TAFA5: variants seen among roughly 807,000 people sequenced by gnomAD.
TAFA5 encodes the protein chemokine-like protein TAFA-5.
In TAFA5, 6 loss-of-function variants were observed where a neutral mutation model predicts 15.3. The ratio of observed to expected loss-of-function variants is 0.39; its 90% CI spans 0.21 to 0.77. The LOEUF is 0.77. Ranked by LOEUF, TAFA5 falls within the 30% of genes least tolerant of loss-of-function variation. The pLI, the probability that TAFA5 is intolerant of heterozygous loss-of-function variation, is 0.41. For missense variants in TAFA5, 161 were observed against 193.1 expected (o/e 0.83, Z 0.98); for synonymous variants, 103 against 80.7 (o/e 1.28, Z -1.48).
At chr22:48,707,588 C>T in intron 2 of TAFA5, 129 bp from the exon 3 acceptor site, 1 of 1,137,848 alleles carries the variant, frequency 8.8e-7, no homozygotes, top group Non-Finnish European at 1.2e-6. Context: ...TGTGAGGGTC[C>T]CTGGGTGGAG....
At chr22:48,734,772 T>G (rs1929961212) in intron 3 of TAFA5, among the ~76,000 whole-genome samples, 1 of 152,186 alleles carries the variant, frequency 6.6e-6, no homozygotes, top group Non-Finnish European at 1.5e-5. Flanking sequence ...GATACGGATG[T>G]CGTGAGCATC....
intron 3 of TAFA5, among the ~76,000 whole-genome samples, chr22:48,721,829 C>T (rs776264342): frequency 2.6e-5 from 4 of 152,096 alleles, no homozygotes; most frequent in African/African-American, 9.7e-5. Flanking sequence ...ATGTGCCAAG[C>T]GTGGTGGCAC....
chr22:48,540,596 C>CTT (rs35003128), intron 1 of TAFA5, among the ~76,000 whole-genome samples: 76,287 of 144,094 alleles, frequency 0.53, 22,392 homozygotes, highest in Middle Eastern at 0.72. Context: ...AGGAGTTTGC[C>CTT]TTTTTTTTTT....
chr22:48,594,712 G>A (rs894407803), intron 1 of TAFA5, among the ~76,000 whole-genome samples: 1 of 152,178 alleles, frequency 6.6e-6, no homozygotes, highest in Admixed American at 6.5e-5. Flanking sequence ...AGTGGTCCCC[G>A]CATTTCTGTT....
rs759551273 is a variant in TAFA5, at chr22:48,742,067, G to A, written c.391-7772G>A. Among the ~76,000 whole-genome samples, 3 of 152,194 alleles carry A rather than the reference G, an allele frequency of 2.0e-5. No homozygotes were observed. Among genetic ancestry groups the A allele is most frequent in the African/African-American group, 7.2e-5 (3 of 41,452 alleles). ...AGACGGGGAAACTGGGGCTCCCAGA[G>A]GCTCCAGCTGGGAGGCTGTGGGAGG... On this transcript the variant is annotated intron_variant, in intron 3 of 3. Transcript: ENST00000402357. This position sits in a 1 kb window ranked among gnomAD's most constrained non-coding sequence, Gnocchi z 6.2.
At chr22:48,510,528 A>G (rs184274522) in intron 1 of TAFA5, among the ~76,000 whole-genome samples, 440 of 152,368 alleles carry the variant, frequency 2.9e-3, no homozygotes, top group Non-Finnish European at 4.1e-3. Context: ...GCAAACCTTC[A>G]TTCTGTAATA....
chr22:48,524,367 T>C (rs1921709162), intron 1 of TAFA5, among the ~76,000 whole-genome samples: 1 of 152,204 alleles, frequency 6.6e-6, no homozygotes, highest in Non-Finnish European at 1.5e-5. Flanking sequence ...ACCTCAGGGA[T>C]GGAGACGCCC....
intron 3 of TAFA5, among the ~76,000 whole-genome samples, chr22:48,715,273 G>T (rs1929368567): frequency 6.6e-6 from 1 of 152,200 alleles, no homozygotes; most frequent in Non-Finnish European, 1.5e-5. Flanking sequence ...GAAACATGGT[G>T]GAAAGCAAAG....
intron 3 of TAFA5, among the ~76,000 whole-genome samples, chr22:48,747,765 C>T (rs1395734014): frequency 6.6e-6 from 1 of 151,930 alleles, no homozygotes; most frequent in East Asian, 1.9e-4. Context: ...GGCATGGAGG[C>T]GCATGCCTGT....
chr22:48,749,207 C>G (rs960087857), intron 3 of TAFA5, among the ~76,000 whole-genome samples: 2 of 152,208 alleles, frequency 1.3e-5, no homozygotes, highest in Admixed American at 1.3e-4. Flanking sequence ...GACCCTCCCT[C>G]AGATCCTCCA....
rs1201810597 is a variant in TAFA5 at position 48,552,424 on chromosome 22, ACT to A, written c.112+62723_112+62724del. Among the ~76,000 whole-genome samples the A allele has an allele frequency of 1.3e-5, 2 of 151,364 alleles. No individual in the cohort carries two copies. Among genetic ancestry groups the A allele is most frequent in the African/African-American group, 2.4e-5 (1 of 41,124 alleles). On this transcript the variant is annotated intron_variant, in intron 1 of 3. Coordinates refer to ENST00000402357, the MANE Select transcript of TAFA5 (RefSeq NM_001082967.3). This position sits in a 1 kb window ranked among gnomAD's most constrained non-coding sequence, Gnocchi z 4.1. ...CCTCTGCTGATGTAGCTGCTGGCTG[ACT>A]CTGTCAGCGCTGCCTGCTGTGGGAA...
In TAFA5 at chr22:48,707,751, G is replaced by C; in HGVS notation, c.297G>C (p.Met99Ile). 1 of 1,613,940 alleles carries C rather than the reference G, an allele frequency of 6.2e-7. No homozygotes were observed. Among genetic ancestry groups the C allele is most frequent in the Non-Finnish European group, 8.5e-7 (1 of 1,179,878 alleles). ...TCAAGACCAAGCAGTGGTGTGACATGCTTCCGTGTCTGGAGGGGGAAGGCT... is the reference window on the plus strand; with the variant it reads ...TCAAGACCAAGCAGTGGTGTGACATCCTTCCGTGTCTGGAGGGGGAAGGCT... ...RIIKTKQWCD[M>I]LPCLEGEGCD... Residue 99 changes from methionine (M) to isoleucine (I), a missense_variant, in exon 3 of 4, where the codon ATG becomes ATC. Met to Ile is a conservative substitution (Grantham distance 10). Transcript: ENST00000402357.
intron 1 of TAFA5, among the ~76,000 whole-genome samples, chr22:48,606,820 C>G (rs1385855822): frequency 6.6e-6 from 1 of 152,178 alleles, no homozygotes; most frequent in Non-Finnish European, 1.5e-5. Context: ...CTAGGGCGCT[C>G]TGATGATTTA....
At chr22:48,707,184 G>C (rs1195305864) in intron 2 of TAFA5, among the ~76,000 whole-genome samples, 1 of 152,108 alleles carries the variant, frequency 6.6e-6, no homozygotes, top group Non-Finnish European at 1.5e-5. Flanking sequence ...GGAGTAGGAT[G>C]GGGGCCAGGG....
At chr22:48,664,681 C>T (rs1601654490) in intron 2 of TAFA5, among the ~76,000 whole-genome samples, 1 of 152,268 alleles carries the variant, frequency 6.6e-6, no homozygotes, top group East Asian at 1.9e-4. Flanking sequence ...TCAGAACCTC[C>T]CATCAACGGA....
chr22:48,571,574 G>GTTTTTTTTTTTTTTTTTTTTTT (rs57578802), intron 1 of TAFA5, among the ~76,000 whole-genome samples: 2 of 29,236 alleles, frequency 6.8e-5, no homozygotes, highest in Non-Finnish European at 1.3e-4. Context: ...TGCCTGGCCT[G>GTTTTTTTTTTTTTTTTTTTTTT]TTTTTTTTTT....
chr22:48,731,672 G>A (rs1439713141), intron 3 of TAFA5, among the ~76,000 whole-genome samples: 2 of 152,124 alleles, frequency 1.3e-5, no homozygotes, highest in African/African-American at 4.8e-5. Context: ...ATGGTTGACT[G>A]AATCCTTTAA....
intron 2 of TAFA5, among the ~76,000 whole-genome samples, chr22:48,681,511 C>T (rs1389084379): frequency 7.1e-6 from 1 of 141,748 alleles, no homozygotes; most frequent in Non-Finnish European, 1.5e-5. Context: ...AAAAATTAGG[C>T]GTGGGGGTAG....
At position 48,676,015 on chromosome 22, in the gene TAFA5, G is replaced by A. The variant is rs1022219394; in HGVS notation, c.262+29269G>A. On this transcript the variant is annotated intron_variant, in intron 2 of 3. Transcript: ENST00000402357. ...CCTCCAGAAGGCTGCTGAGGCAGCT[G>A]GCGGTGGGGCAGGCAGTGGGCCTTG... Among the ~76,000 whole-genome samples, 6 of 152,402 alleles carry A rather than the reference G, an allele frequency of 3.9e-5. No individual in the cohort carries two copies. In the East Asian group the frequency reaches 9.6e-4, roughly 25 times the overall value.
Sources: allele counts gnomAD v4.1 joint callset (sites outside exome capture counted in the v4.1 genomes callset), GRCh38; gene constraint gnomAD v4.1.1; non-coding constraint Gnocchi (gnomAD v3.1); transcripts MANE v1.5; gene names NCBI Gene and HGNC (gene_info 2026-07-23, HGNC 2026-07-21).